NCKAP5: variants seen among roughly 807,000 people sequenced by gnomAD.
NCKAP5 encodes nck-associated protein 5.
In NCKAP5, 92 loss-of-function variants were observed where a neutral mutation model predicts 167.0. The observed-to-expected ratio is 0.55, with a 90% CI of 0.47 to 0.66. The LOEUF is 0.66. NCKAP5 is among the 30% of genes least tolerant of loss of function. The pLI is 0.00. For synonymous variants in NCKAP5, 891 were observed against 877.4 expected, an observed-to-expected ratio of 1.02 and a Z score of -0.27; for missense variants, 2,378 against 2,315.0, an observed-to-expected ratio of 1.03 and a Z score of -0.56.
intron 2 of NCKAP5, among the ~76,000 whole-genome samples, chr2:133,544,888 A>G (rs1182351413): frequency 6.6e-6 from 1 of 152,206 alleles, no homozygotes; most frequent in Non-Finnish European, 1.5e-5. Flanking sequence ...TCAAATTCAC[A>G]TCTCAAAGTC....
chr2:132,803,590 T>C (rs1685202436), intron 11 of NCKAP5, among the ~76,000 whole-genome samples: 1 of 152,206 alleles, frequency 6.6e-6, no homozygotes, highest in Admixed American at 6.5e-5. Context: ...CTCTGCAGCT[T>C]AGACTGATGA....
intron 6 of NCKAP5, among the ~76,000 whole-genome samples, chr2:133,028,187 A>T (rs1315009984): frequency 6.6e-6 from 1 of 152,136 alleles, no homozygotes; most frequent in East Asian, 1.9e-4. Flanking sequence ...TGTCCTTAAC[A>T]TTTTTTTATT....
intron 6 of NCKAP5, among the ~76,000 whole-genome samples, chr2:133,057,661 T>C (rs1438336503): frequency 6.6e-6 from 1 of 152,018 alleles, no homozygotes; most frequent in Non-Finnish European, 1.5e-5. Context: ...TGGCATAGAG[T>C]AGTTCATGAG....
intron 3 of NCKAP5, among the ~76,000 whole-genome samples, chr2:133,470,267 G>A (rs1692950509): frequency 6.6e-6 from 1 of 151,858 alleles, no homozygotes; most frequent in African/African-American, 2.4e-5. Context: ...GGAATACCCT[G>A]CCGTGTGAGG....
At chr2:133,219,732 T>C (rs1359052596) in intron 4 of NCKAP5, among the ~76,000 whole-genome samples, 1 of 152,184 alleles carries the variant, frequency 6.6e-6, no homozygotes, top group Non-Finnish European at 1.5e-5. Flanking sequence ...TTGTATTTTA[T>C]TTTTGCATGA....
intron 4 of NCKAP5, among the ~76,000 whole-genome samples, chr2:133,271,552 T>C (rs2089512165): frequency 6.6e-6 from 1 of 152,118 alleles, no homozygotes; most frequent in Non-Finnish European, 1.5e-5. Context: ...AACAGATAAA[T>C]GACATCACAA....
intron 8 of NCKAP5, among the ~76,000 whole-genome samples, chr2:132,907,669 T>G (rs1251562232): frequency 6.6e-6 from 1 of 152,152 alleles, no homozygotes; most frequent in African/African-American, 2.4e-5. Context: ...CTTTTTTCTT[T>G]TTTTTTGAGA....
chr2:132,771,136 A>G (rs1308147455), intron 16 of NCKAP5, among the ~76,000 whole-genome samples: 1 of 152,226 alleles, frequency 6.6e-6, no homozygotes, highest in East Asian at 1.9e-4. Flanking sequence ...GGAGGTATCC[A>G]GAAGAAGACA....
chr2:133,625,268 C>T, the NCKAP5 span, among the ~76,000 whole-genome samples: 2 of 152,162 alleles, frequency 1.3e-5, no homozygotes, highest in Admixed American at 1.3e-4. Flanking sequence ...GAATAATCTA[C>T]ATAAATTCAA....
the NCKAP5 span, among the ~76,000 whole-genome samples, chr2:133,636,234 C>T: frequency 6.6e-6 from 1 of 152,284 alleles, no homozygotes; most frequent in South Asian, 2.1e-4. Context: ...CAGAAGCTAG[C>T]CTACAGAGTT....
At chr2:133,128,584 ATC>A (rs549539709) in intron 6 of NCKAP5, among the ~76,000 whole-genome samples, 1 of 149,840 alleles carries the variant, frequency 6.7e-6, no homozygotes, top group African/African-American at 2.5e-5. Context: ...GATTCTAGTG[ATC>A]TCTCTCTCTC....
intron 3 of NCKAP5, among the ~76,000 whole-genome samples, chr2:133,454,423 T>G (rs999489257): frequency 1.3e-5 from 2 of 152,100 alleles, no homozygotes; most frequent in Non-Finnish European, 1.5e-5. Flanking sequence ...GTGCTCTAAG[T>G]GCCTTTGAGA....
chr2:133,299,160 C>T (rs1680176283), intron 4 of NCKAP5, among the ~76,000 whole-genome samples: 2 of 152,044 alleles, frequency 1.3e-5, no homozygotes, highest in African/African-American at 4.8e-5. Flanking sequence ...ATAGAATATT[C>T]TCTATTACTG....
chr2:133,646,805 T>G, the NCKAP5 span, among the ~76,000 whole-genome samples: 1 of 152,168 alleles, frequency 6.6e-6, no homozygotes, highest in Non-Finnish European at 1.5e-5. Context: ...ATAATTGGAA[T>G]AGTTATACAT....
intron 3 of NCKAP5, among the ~76,000 whole-genome samples, chr2:133,331,320 T>C (rs145353174): frequency 1.2e-4 from 18 of 152,188 alleles, no homozygotes; most frequent in Middle Eastern, 3.2e-3. Context: ...AGTTTAACAT[T>C]AATGATTAAA....
chr2:133,492,704 G>A (rs1681582205), intron 3 of NCKAP5, among the ~76,000 whole-genome samples: 1 of 152,204 alleles, frequency 6.6e-6, no homozygotes, highest in Admixed American at 6.5e-5. Flanking sequence ...TATATGGAAA[G>A]AAGAAAGCAT....
At position 133,109,941 on chromosome 2, in the gene NCKAP5, G is replaced by T. The variant is rs115272327; in HGVS notation, c.341+20037C>A. Among the ~76,000 whole-genome samples, 752 of 152,230 alleles carry T rather than the reference G, an allele frequency of 4.9e-3. 7 individuals carry two copies. The highest frequency in any genetic ancestry group is 0.018 in the African/African-American group (735 of 41,552). On this transcript the variant is annotated intron_variant, in intron 6 of 19. Coordinates refer to ENST00000409261, the MANE Select transcript of NCKAP5 (RefSeq NM_207363.3). ...CAAGTAAATAAATTATTCTGATTTT[G>T]CTCCTAGCTGACACAAATTACTCAT...
At chr2:132,734,618 G>C (rs1222236847) in intron 16 of NCKAP5, among the ~76,000 whole-genome samples, 1 of 152,174 alleles carries the variant, frequency 6.6e-6, no homozygotes, top group Non-Finnish European at 1.5e-5. Flanking sequence ...CAAAAGTTTG[G>C]TGCTTATTAC....
At chr2:132,775,601 A>AT (rs1450200728) in intron 15 of NCKAP5, among the ~76,000 whole-genome samples, 1 of 152,216 alleles carries the variant, frequency 6.6e-6, no homozygotes, top group African/African-American at 2.4e-5. Flanking sequence ...CTAGCAGCAC[A>AT]TATTTACAGA....
Sources: allele counts gnomAD v4.1 joint callset (sites outside exome capture counted in the v4.1 genomes callset), GRCh38; gene constraint gnomAD v4.1.1; transcripts MANE v1.5; gene names NCBI Gene and HGNC (gene_info 2026-07-23, HGNC 2026-07-21).